Variants in FOXK1 observed in about 807,000 individuals in gnomAD.
FOXK1 encodes the protein forkhead box K1.
A neutral mutation model predicts 51.9 loss-of-function variants in FOXK1; 19 were observed. The observed-to-expected ratio is 0.37, with a 90% CI of 0.26 to 0.54. FOXK1 has a LOEUF of 0.54. Among genes scored for constraint, FOXK1 ranks in the 20% least tolerant of loss-of-function variants. The pLI is 0.87. For missense variants in FOXK1, 870 were observed against 1,032.7 expected (o/e 0.84, Z 2.16); for synonymous variants, 537 against 482.6 (o/e 1.11, Z -1.48).
rs1005721344 is a variant in FOXK1 at position 4,706,011 on chromosome 7, T to C, written c.560+23143T>C. Among the ~76,000 whole-genome samples the C allele has an allele frequency of 1.4e-4, 15 of 107,404 alleles. 1 individual carries two copies. The highest frequency in any genetic ancestry group is 6.9e-4 in the South Asian group (3 of 4,370). 70.5% of individuals were successfully genotyped at this position (107,404 alleles called of 152,430 possible). On this transcript the variant is annotated intron_variant, in intron 1 of 8. Transcript: ENST00000328914. ...ATATATACGTATATATACGTATATA[T>C]ACGTATATATACGTGTATATACGTG...
In FOXK1 at chr7:4,764,424, C is replaced by T. The variant is rs1216794629; in HGVS notation, c.*1960C>T. Reference sequence around the variant, plus strand: ...TTCAGAGAAACGGGGGCAGGATGAACACAGCCGGCTGTCCTGGGTGCAGTT... The same window carrying T: ...TTCAGAGAAACGGGGGCAGGATGAATACAGCCGGCTGTCCTGGGTGCAGTT... On this transcript the variant is annotated 3_prime_UTR_variant, in exon 9 of 9. Coordinates refer to ENST00000328914, the MANE Select transcript of FOXK1 (RefSeq NM_001037165.2). 1.3e-5 allele frequency: 2 copies of T among 154,498 alleles called. No individual in the cohort carries two copies. The highest frequency in any genetic ancestry group is 2.9e-5 in the Non-Finnish European group (2 of 68,300). The allele number at this position is 154,498 out of a possible 1,614,324, so 9.6% of individuals were successfully genotyped here.
At chr7:4,720,628 T>C (rs1780296495) in intron 1 of FOXK1, among the ~76,000 whole-genome samples, 1 of 152,072 alleles carries the variant, frequency 6.6e-6, no homozygotes, top group African/African-American at 2.4e-5. Context: ...GCCCCATCTC[T>C]CCCGAGCAGG....
In FOXK1 at chr7:4,755,053, C is replaced by T. The variant is rs566242612; in HGVS notation, c.904-184C>T. 1.2e-4 allele frequency: 82 copies of T among 678,278 alleles called. 1 individual carries two copies. The African/African-American group carries it at 1.3e-3, about 11-fold the overall frequency. The allele number at this position is 678,278 out of a possible 1,614,324, so 42.0% of individuals were successfully genotyped here. On this transcript the variant is annotated intron_variant, in intron 3 of 8. Transcript: ENST00000328914. The surrounding 1 kb of genome is among the most constrained non-coding windows in gnomAD (Gnocchi z 6.6). Reference sequence around the variant, plus strand: ...AACCGAAGTTTTCCTTCCCATGAGGCAAAAATGGTTGTTCCTAGTTGAATG... The same window carrying T: ...AACCGAAGTTTTCCTTCCCATGAGGTAAAAATGGTTGTTCCTAGTTGAATG...
rs1182621855 is a variant in FOXK1, at chr7:4,748,240, G to T, written c.747-6219G>T. On this transcript the variant is annotated intron_variant, in intron 2 of 8. Coordinates refer to ENST00000328914, the MANE Select transcript of FOXK1 (RefSeq NM_001037165.2). The surrounding 1 kb of genome is among the most constrained non-coding windows in gnomAD (Gnocchi z 4.9). ...AGCTGAGCCCTTCTCTCTCACTTCT[G>T]TGTCTCTGAGTCGTATTCGTACGTG... 6.6e-6 allele frequency among the ~76,000 whole-genome samples: 1 copy of T among 152,104 alleles called. No homozygotes were observed. Among genetic ancestry groups the T allele is most frequent in the Admixed American group, 6.5e-5 (1 of 15,274 alleles).
At chr7:4,689,317 G>C (rs530462257) in intron 1 of FOXK1, among the ~76,000 whole-genome samples, 89 of 152,286 alleles carry the variant, frequency 5.8e-4, no homozygotes, top group African/African-American at 2.1e-3. Flanking sequence ...TGCCAGCATC[G>C]GATACGTGGC....
rs972994092 is a variant in FOXK1 at position 4,722,172 on chromosome 7, G to T, written c.561-18666G>T. On this transcript the variant is annotated intron_variant, in intron 1 of 8. Transcript: ENST00000328914. The surrounding 1 kb of genome is among the most constrained non-coding windows in gnomAD (Gnocchi z 5.1). ...TGATTCAGAAGATGGCGGGGCAGGA[G>T]GTGTCTGTGTCTCAGCAGATGCTGG... Among the ~76,000 whole-genome samples the T allele has an allele frequency of 1.1e-4, 17 of 152,296 alleles. No homozygotes were observed. In the South Asian group the frequency reaches 2.3e-3, roughly 20 times the overall value.
Position 4,753,960 on chromosome 7 carries a change from G to A in FOXK1, c.747-499G>A, listed in dbSNP as rs1026719426. On this transcript the variant is annotated intron_variant, in intron 2 of 8. Coordinates refer to ENST00000328914, the MANE Select transcript of FOXK1 (RefSeq NM_001037165.2). The surrounding 1 kb of genome is among the most constrained non-coding windows in gnomAD (Gnocchi z 4.9). ...TGTCTCCAGGAGAGCCACCTGCCACGCCTTCACCCTGCAGGGCGATGGCAC... is the reference window on the plus strand; with the variant it reads ...TGTCTCCAGGAGAGCCACCTGCCACACCTTCACCCTGCAGGGCGATGGCAC... Among the ~76,000 whole-genome samples, 2 of 152,162 alleles carry A rather than the reference G, an allele frequency of 1.3e-5. No individual in the cohort carries two copies. Among genetic ancestry groups the A allele is most frequent in the Admixed American group, 6.5e-5 (1 of 15,280 alleles).
rs1781084683 is a variant in FOXK1, at chr7:4,770,606, T to C, written c.*8142T>C. On this transcript the variant is annotated 3_prime_UTR_variant, in exon 9 of 9. Transcript: ENST00000328914. ...AGAAAGGCTTTTTGGATACCTAGAATACCTTCATGTATGTGGCTTGATTTC... is the reference window on the plus strand; with the variant it reads ...AGAAAGGCTTTTTGGATACCTAGAACACCTTCATGTATGTGGCTTGATTTC... 6.6e-6 allele frequency: 1 copy of C among 152,132 alleles called. No individual in the cohort carries two copies. The highest frequency in any genetic ancestry group is 1.5e-5 in the Non-Finnish European group (1 of 68,034). The allele number at this position is 152,132 out of a possible 1,614,324, so 9.4% of individuals were successfully genotyped here.
chr7:4,757,235 T>C (rs1455596552), intron 5 of FOXK1, 48 bp downstream of exon 5: 11 of 1,514,184 alleles, frequency 7.3e-6, no homozygotes, highest in Non-Finnish European at 9.8e-6. Flanking sequence ...AAAGCTGAGC[T>C]GCCCTGGAGT....
rs1020695260 is a variant in FOXK1 at position 4,763,002 on chromosome 7, C to T, written c.*538C>T. The T allele has an allele frequency of 6.5e-6, 1 of 154,666 alleles. No individual in the cohort carries two copies. The highest frequency in any genetic ancestry group is 1.4e-5 in the Non-Finnish European group (1 of 69,408). 9.6% of individuals were successfully genotyped at this position (154,666 alleles called of 1,614,324 possible). A position where few individuals can be genotyped will look rare whatever the true frequency, so the allele number is the denominator to read the frequency against. ...GACATAGAGAGTGTTGGCATTAACT[C>T]GGGGGGTGTCCGATTTCACTTCAGA... On this transcript the variant is annotated 3_prime_UTR_variant, in exon 9 of 9. Transcript: ENST00000328914.
rs1780657950 is a variant in FOXK1, at chr7:4,743,226, A to G, written c.746+2203A>G. Among the ~76,000 whole-genome samples the G allele has an allele frequency of 6.6e-6, 1 of 152,216 alleles. No individual in the cohort carries two copies. Among genetic ancestry groups the G allele is most frequent in the Non-Finnish European group, 1.5e-5 (1 of 68,042 alleles). ...CCAGAAGTAGATAGTGGTGATGGTT[A>G]TTCAATTTTGTGAATATCCTAAAAG... On this transcript the variant is annotated intron_variant, in intron 2 of 8. Transcript: ENST00000328914. The surrounding 1 kb of genome is among the most constrained non-coding windows in gnomAD (Gnocchi z 5.3).
rs1780476641 is a variant in FOXK1, at chr7:4,731,581, GA to G, written c.561-9254del. Among the ~76,000 whole-genome samples the G allele has an allele frequency of 6.6e-6, 1 of 152,062 alleles. No individual in the cohort carries two copies. Among genetic ancestry groups the G allele is most frequent in the African/African-American group, 2.4e-5 (1 of 41,416 alleles). On this transcript the variant is annotated intron_variant, in intron 1 of 8. Coordinates refer to ENST00000328914, the MANE Select transcript of FOXK1 (RefSeq NM_001037165.2). This position sits in a 1 kb window ranked among gnomAD's most constrained non-coding sequence, Gnocchi z 5.3. ...TCAAGACCAGCCTGGCCAACATGGT[GA>G]AACCCCATCTCTACTAAAAATACAA...
At chr7:4,697,242 C>G (rs1401175932) in intron 1 of FOXK1, among the ~76,000 whole-genome samples, 1 of 152,136 alleles carries the variant, frequency 6.6e-6, no homozygotes, top group African/African-American at 2.4e-5. Flanking sequence ...TATCTCACTT[C>G]CACTCAAGCC....
At position 4,762,341 on chromosome 7, in the gene FOXK1, C is replaced by T. The variant is rs368673072; in HGVS notation, c.2079C>T (p.Ser693=). ...TPATATTASA[S]ASSTGEPEVK... is the part of the protein sequence containing the mutation. Reference sequence around the variant, plus strand: ...CCACTGCCACCACCGCCTCTGCCTCCGCCTCTTCCACTGGAGAGCCCGAGG... The same window carrying T: ...CCACTGCCACCACCGCCTCTGCCTCTGCCTCTTCCACTGGAGAGCCCGAGG... The change falls in exon 9 of 9, where the codon TCC becomes TCT. Residue 693 remains serine, a synonymous_variant. Transcript: ENST00000328914. This position sits in a 1 kb window ranked among gnomAD's most constrained non-coding sequence, Gnocchi z 5.7. The T allele has an allele frequency of 7.1e-6, 11 of 1,550,808 alleles. No homozygotes were observed. Among genetic ancestry groups the T allele is most frequent in the African/African-American group, 2.7e-5 (2 of 73,036 alleles).
chr7:4,757,300 A>T (rs1780865729), intron 5 of FOXK1, 113 bp downstream of exon 5: 3 of 948,818 alleles, frequency 3.2e-6, no homozygotes, highest in Non-Finnish European at 3.2e-6. Context: ...GGCTCAGTGT[A>T]CGGGCATGCA....
intron 2 of FOXK1, among the ~76,000 whole-genome samples, chr7:4,746,373 A>G (rs1345035635): frequency 6.6e-6 from 1 of 152,186 alleles, no homozygotes; most frequent in Non-Finnish European, 1.5e-5. Flanking sequence ...CAACTTTGGT[A>G]GCTTCCTGCA....
At position 4,759,588 on chromosome 7, in the gene FOXK1, G is replaced by C; in HGVS notation, c.1689G>C (p.Glu563Asp). ...CAGCCGTGCTGGACCTGGGCAGCGAGGCCAGAGGTAATGCAGCCGCGGCTG... is the reference window on the plus strand; with the variant it reads ...CAGCCGTGCTGGACCTGGGCAGCGACGCCAGAGGTAATGCAGCCGCGGCTG... ...AGAAVLDLGS[E>D]ARGLEEKPTI... Residue 563 changes from glutamate (E) to aspartate (D), a missense_variant, in exon 7 of 9, where the codon GAG becomes GAC. Around this residue, in one of 3 missense-constraint regions of FOXK1, gnomAD observed 457 missense variants for 510.8 expected, o/e 0.89. Coordinates refer to ENST00000328914, the MANE Select transcript of FOXK1 (RefSeq NM_001037165.2). The C allele has an allele frequency of 1.3e-6, 2 of 1,535,996 alleles. No individual in the cohort carries two copies. The highest frequency in any genetic ancestry group is 1.7e-6 in the Non-Finnish European group (2 of 1,146,414).
intron 1 of FOXK1, among the ~76,000 whole-genome samples, chr7:4,713,743 G>C (rs936737435): frequency 2.0e-5 from 3 of 151,826 alleles, no homozygotes; most frequent in Non-Finnish European, 2.9e-5. Context: ...GCCCGCCTTG[G>C]CCGCTCAAAG....
Position 4,709,916 on chromosome 7 carries a change from A to C in FOXK1, c.560+27048A>C, listed in dbSNP as rs1169532357. On this transcript the variant is annotated intron_variant, in intron 1 of 8. Transcript: ENST00000328914. The surrounding 1 kb of genome is among the most constrained non-coding windows in gnomAD (Gnocchi z 5.6). ...CAACGCGTGACACGTTTGAACACGG[A>C]AGAACACGGAAGCCTGTGTGTTAGG... is the stretch of plus-strand genomic sequence containing the variant. Among the ~76,000 whole-genome samples the C allele has an allele frequency of 1.3e-5, 2 of 152,188 alleles. No individual in the cohort carries two copies. Among genetic ancestry groups the C allele is most frequent in the African/African-American group, 4.8e-5 (2 of 41,436 alleles).
Sources: allele counts gnomAD v4.1 joint callset (sites outside exome capture counted in the v4.1 genomes callset), GRCh38; gene constraint gnomAD v4.1.1; regional missense constraint gnomAD v4.1.1; non-coding constraint Gnocchi (gnomAD v3.1); transcripts MANE v1.5; gene names NCBI Gene and HGNC (gene_info 2026-07-23, HGNC 2026-07-21).